OR9Q1: variants seen among roughly 807,000 people sequenced by gnomAD.
OR9Q1 encodes the protein olfactory receptor 9Q1.
For missense variants in OR9Q1, 374 were observed against 378.8 expected (o/e 0.99, Z 0.11); for synonymous variants, 153 against 148.6 (o/e 1.03, Z -0.22).
chr11:58,056,987 G>GTTTT (rs34375940), intron 2 of OR9Q1, among the ~76,000 whole-genome samples: 6 of 68,780 alleles, frequency 8.7e-5, no homozygotes, highest in African/African-American at 2.9e-4. Context: ...TACAATTCAG[G>GTTTT]TTTTTTTTTT....
At chr11:58,087,928 AC>A (rs1363974790) in intron 2 of OR9Q1, among the ~76,000 whole-genome samples, 5 of 151,730 alleles carry the variant, frequency 3.3e-5, no homozygotes, top group Non-Finnish European at 7.4e-5. Context: ...TCACTCTGTT[AC>A]CTAGGTTGGA....
intron 1 of OR9Q1, among the ~76,000 whole-genome samples, chr11:58,034,791 T>TA (rs1853082231): frequency 1.9e-5 from 1 of 52,500 alleles, no homozygotes. Context: ...CCCTCCTTTC[T>TA]CCCTTCCTTC....
chr11:58,158,639 G>A (rs908327206), intron 2 of OR9Q1, among the ~76,000 whole-genome samples: 4 of 152,096 alleles, frequency 2.6e-5, no homozygotes, highest in Admixed American at 2.6e-4. Flanking sequence ...GGAACCTTAT[G>A]ACCAAGGTGG....
intron 2 of OR9Q1, among the ~76,000 whole-genome samples, chr11:58,095,383 G>T (rs2120073921): frequency 6.6e-6 from 1 of 152,286 alleles, no homozygotes; most frequent in African/African-American, 2.4e-5. Context: ...CCTTGTGTCT[G>T]ACATATACAT....
intron 2 of OR9Q1, among the ~76,000 whole-genome samples, chr11:58,138,732 C>T (rs1293917342): frequency 1.3e-5 from 2 of 152,174 alleles, no homozygotes; most frequent in African/African-American, 2.4e-5. Context: ...AATGATTGAA[C>T]AAGCTAATTA....
chr11:58,120,316 T>C (rs1242882814), intron 2 of OR9Q1, among the ~76,000 whole-genome samples: 3 of 152,154 alleles, frequency 2.0e-5, no homozygotes, highest in African/African-American at 7.2e-5. Flanking sequence ...TTATACATTG[T>C]CCAAAATCAA....
At chr11:58,025,527 A>G (rs1590539203) in intron 1 of OR9Q1, among the ~76,000 whole-genome samples, 1 of 152,184 alleles carries the variant, frequency 6.6e-6, no homozygotes, top group Non-Finnish European at 1.5e-5. Flanking sequence ...AGAGAAGCTC[A>G]TCTTCCTACC....
chr11:58,030,334 T>C (rs1375473486), intron 1 of OR9Q1, among the ~76,000 whole-genome samples: 1 of 152,176 alleles, frequency 6.6e-6, no homozygotes, highest in African/African-American at 2.4e-5. Flanking sequence ...GAAACAGTCA[T>C]TTTCTCTCTG....
chr11:58,126,635 T>G (rs1854093013), intron 2 of OR9Q1, among the ~76,000 whole-genome samples: 1 of 152,200 alleles, frequency 6.6e-6, no homozygotes, highest in African/African-American at 2.4e-5. Context: ...GCACAAGAAA[T>G]TCTACCTTCC....
intron 2 of OR9Q1, among the ~76,000 whole-genome samples, chr11:58,179,179 T>A (rs1198230897): frequency 1.3e-5 from 2 of 151,510 alleles, no homozygotes; most frequent in East Asian, 3.9e-4. Context: ...CTCACCACCA[T>A]GCATGGCTAA....
chr11:58,110,784 T>C (rs1319404632), intron 2 of OR9Q1, among the ~76,000 whole-genome samples: 1 of 152,218 alleles, frequency 6.6e-6, no homozygotes, highest in Non-Finnish European at 1.5e-5. Flanking sequence ...CAGTTTTCTA[T>C]AGAAATCAGG....
chr11:58,048,519 G>A lies in OR9Q1; in HGVS notation c.-92-7351G>A, dbSNP rs541304076. Reference sequence around the variant, plus strand: ...TACAAAAAAAAAAAAAAAAATAGCCGGGCATGGTGGCACATGCTGTAGCCC... The same window carrying A: ...TACAAAAAAAAAAAAAAAAATAGCCAGGCATGGTGGCACATGCTGTAGCCC... On this transcript the variant is annotated intron_variant, in intron 1 of 2. Coordinates refer to ENST00000335397, the MANE Select transcript of OR9Q1 (RefSeq NM_001005212.4). Among the ~76,000 whole-genome samples, 696 of 150,780 alleles carry A rather than the reference G, an allele frequency of 4.6e-3. 3 individuals are homozygous for A. The highest frequency in any genetic ancestry group is 8.3e-3 in the Non-Finnish European group (561 of 67,658).
intron 2 of OR9Q1, among the ~76,000 whole-genome samples, chr11:58,168,201 G>T (rs1403643213): frequency 6.6e-6 from 1 of 152,156 alleles, no homozygotes; most frequent in Admixed American, 6.5e-5. Flanking sequence ...ACTCAGTAAA[G>T]ATATTCTTGA....
chr11:58,059,045 A>G (rs1011273091), intron 2 of OR9Q1, among the ~76,000 whole-genome samples: 1 of 152,128 alleles, frequency 6.6e-6, no homozygotes, highest in African/African-American at 2.4e-5. Context: ...ACTTGGCCTC[A>G]TTTTTCCCTC....
intron 2 of OR9Q1, among the ~76,000 whole-genome samples, chr11:58,095,410 A>G (rs1853720690): frequency 6.6e-6 from 1 of 152,244 alleles, no homozygotes; most frequent in Non-Finnish European, 1.5e-5. Context: ...AATAGAGAGC[A>G]TCTTGTGTGC....
chr11:58,160,762 C>G (rs1167910132), intron 2 of OR9Q1, among the ~76,000 whole-genome samples: 1 of 152,172 alleles, frequency 6.6e-6, no homozygotes, highest in Non-Finnish European at 1.5e-5. Context: ...CCCTAGCACT[C>G]TCTGCTTTAT....
chr11:58,140,879 G>A (rs1854241308), intron 2 of OR9Q1, among the ~76,000 whole-genome samples: 1 of 152,194 alleles, frequency 6.6e-6, no homozygotes, highest in South Asian at 2.1e-4. Flanking sequence ...ACCTTGGGCA[G>A]TATGGCCATT....
At chr11:58,066,394 C>T (rs935779278) in intron 2 of OR9Q1, among the ~76,000 whole-genome samples, 8 of 152,034 alleles carry the variant, frequency 5.3e-5, no homozygotes, top group African/African-American at 1.9e-4. Flanking sequence ...CTCTGTGGGC[C>T]TTTGGCTGGG....
Position 58,180,545 on chromosome 11 carries a change from A to C in OR9Q1, c.*168A>C, listed in dbSNP as rs191312492. 4.3e-6 allele frequency: 2 copies of C among 467,436 alleles called. No homozygotes were observed. Among genetic ancestry groups the C allele is most frequent in the African/African-American group, 3.9e-5 (2 of 51,056 alleles). 29.0% of individuals were successfully genotyped at this position (467,436 alleles called of 1,614,324 possible). A position where few individuals can be genotyped will look rare whatever the true frequency, so the allele number is the denominator to read the frequency against. The stretch of plus-strand genomic sequence containing the variant: ...AGGGAGAGGAAGGAAGACAAGGAAA[A>C]GTCAACCTGAAAAGAGATTGGAGTG... On this transcript the variant is annotated 3_prime_UTR_variant, in exon 3 of 3. Coordinates refer to ENST00000335397, the MANE Select transcript of OR9Q1 (RefSeq NM_001005212.4).
Sources: gnomAD v4.1 joint callset for allele counts (sites outside exome capture counted in the v4.1 genomes callset) on GRCh38, gnomAD v4.1.1 for gene constraint, MANE v1.5 for transcripts, NCBI Gene and HGNC (gene_info 2026-07-23, HGNC 2026-07-21) for gene names.